The following ENPP2 variants were observed in gnomAD, a reference collection of about 807,000 sequenced individuals.
The protein encoded by ENPP2 is autotaxin.
A neutral mutation model predicts 120.2 loss-of-function variants in ENPP2; 51 were observed. The observed-to-expected ratio is 0.42, with a 90% CI of 0.34 to 0.54. ENPP2 has a LOEUF of 0.54. ENPP2 is among the 20% of genes least tolerant of loss of function. The pLI, the probability that ENPP2 is intolerant of heterozygous loss-of-function variation, is 0.04. For synonymous variants in ENPP2, 365 were observed against 366.4 expected (o/e 1.00, Z 0.04); for missense variants, 920 against 1,066.5 (o/e 0.86, Z 1.91).
At chr8:119,574,118 A>C (rs1289956977) in intron 19 of ENPP2, among the ~76,000 whole-genome samples, 3 of 152,154 alleles carry the variant, frequency 2.0e-5, no homozygotes, top group Admixed American at 1.3e-4. Flanking sequence ...AAGGTCCAGA[A>C]TCAAAATTTA....
intron 8 of ENPP2, among the ~76,000 whole-genome samples, chr8:119,611,938 A>T (rs1364213841): frequency 6.6e-6 from 1 of 152,226 alleles, no homozygotes; most frequent in East Asian, 1.9e-4. Context: ...TAGAGGTATG[A>T]GAATCACTTG....
rs755702717 is a variant in ENPP2, at chr8:119,580,087, T to A, written c.1780+29A>T. 1.4e-5 allele frequency: 22 copies of A among 1,564,398 alleles called. 2 individuals carry two copies. In the South Asian group the frequency reaches 2.5e-4, roughly 17 times the overall value. On this transcript the variant is annotated intron_variant, in intron 19 of 24. Coordinates refer to ENST00000075322, the MANE Select transcript of ENPP2 (RefSeq NM_001040092.3). ...CGATTTTCGAAAACGAGAAAAACCTTATCTGATTATTTTGCAACCACCCCT... is the reference window on the plus strand; with the variant it reads ...CGATTTTCGAAAACGAGAAAAACCTAATCTGATTATTTTGCAACCACCCCT...
chr8:119,627,044 AATT>A (rs1384058235), intron 2 of ENPP2, among the ~76,000 whole-genome samples: 1 of 152,198 alleles, frequency 6.6e-6, no homozygotes, highest in Non-Finnish European at 1.5e-5. Flanking sequence ...TACTATTTAT[AATT>A]ATTATTACTG....
intron 3 of ENPP2, among the ~76,000 whole-genome samples, chr8:119,621,885 C>T (rs531025349): frequency 6.6e-6 from 1 of 152,198 alleles, no homozygotes; most frequent in South Asian, 2.1e-4. Flanking sequence ...TATAGCTTGG[C>T]TCTTTTAATT....
chr8:119,590,826 T>C (rs1334613408), intron 12 of ENPP2, among the ~76,000 whole-genome samples, 196 bp from the exon 13 acceptor site: 3 of 152,104 alleles, frequency 2.0e-5, no homozygotes, highest in African/African-American at 4.8e-5. Flanking sequence ...TCTAGACTTT[T>C]ACTTAGCCAT....
At chr8:119,618,529 A>G (rs1246964877) in intron 5 of ENPP2, 3 of 332,868 alleles carry the variant, frequency 9.0e-6, no homozygotes, top group Non-Finnish European at 1.7e-5. Flanking sequence ...CAGAAGCCAG[A>G]TGTCCCACTG....
intron 22 of ENPP2, among the ~76,000 whole-genome samples, chr8:119,567,353 G>A (rs1415041052): frequency 6.6e-6 from 1 of 152,120 alleles, no homozygotes; most frequent in African/African-American, 2.4e-5. Flanking sequence ...TTTCGACATT[G>A]GATAATTAAG....
chr8:119,605,195 C>A (rs1197714690), intron 9 of ENPP2, among the ~76,000 whole-genome samples: 5 of 152,056 alleles, frequency 3.3e-5, no homozygotes, highest in Admixed American at 3.3e-4. Context: ...CCTCAGTCTC[C>A]CAAGTAGCTG....
intron 16 of ENPP2, 73 bp from the exon 17 acceptor site, chr8:119,583,877 T>C (rs1437949396): frequency 2.9e-6 from 4 of 1,361,506 alleles, no homozygotes; most frequent in Non-Finnish European, 3.2e-6. Flanking sequence ...TTATGAATAC[T>C]GTACAACTTC....
rs563914171 is a variant in ENPP2, at chr8:119,629,102, T to C, written c.137-2382A>G. Among the ~76,000 whole-genome samples, 345 of 152,274 alleles carry C rather than the reference T, an allele frequency of 2.3e-3. 2 individuals carry two copies. Among genetic ancestry groups the C allele is most frequent in the African/African-American group, 6.2e-3 (259 of 41,560 alleles). ...TACAAAATATATACTGTATAATATA[T>C]GTCTGTGTGGGTATGTATACATATG... is the stretch of plus-strand genomic sequence containing the variant. On this transcript the variant is annotated intron_variant, in intron 2 of 24. Transcript: ENST00000075322.
At chr8:119,662,411 C>A (rs542728447) in intron 1 of ENPP2, among the ~76,000 whole-genome samples, 2 of 151,754 alleles carry the variant, frequency 1.3e-5, no homozygotes, top group South Asian at 4.2e-4. Flanking sequence ...AAGTGTGAAC[C>A]CAAACCAGTC....
chr8:119,569,816 C>G (rs533478563), intron 20 of ENPP2, among the ~76,000 whole-genome samples: 1 of 149,510 alleles, frequency 6.7e-6, no homozygotes, highest in East Asian at 2.0e-4. Flanking sequence ...CAGTACAAAT[C>G]AAAATAAACT....
intron 18 of ENPP2, chr8:119,580,450 T>C (rs1309193236): frequency 7.0e-6 from 3 of 430,412 alleles, no homozygotes; most frequent in Admixed American, 4.0e-5. Context: ...TGGGTACTGA[T>C]GATGACTTGG....
At chr8:119,592,526 A>T (rs999968009) in intron 12 of ENPP2, among the ~76,000 whole-genome samples, 1 of 151,176 alleles carries the variant, frequency 6.6e-6, no homozygotes, top group Non-Finnish European at 1.5e-5. Context: ...TAGTTGTCCC[A>T]AACCAAATGG....
chr8:119,643,796 A>G (rs776216345), upstream of ENPP2, among the ~76,000 whole-genome samples: 5 of 152,228 alleles, frequency 3.3e-5, no homozygotes, highest in African/African-American at 4.8e-5. Context: ...TTGAGCAAAT[A>G]TCATTCAGAT....
At chr8:119,659,776 T>A (rs1210425802) in intron 1 of ENPP2, among the ~76,000 whole-genome samples, 1 of 152,172 alleles carries the variant, frequency 6.6e-6, no homozygotes, top group African/African-American at 2.4e-5. Flanking sequence ...TGCCTAAGGA[T>A]CAAATTATAG....
intron 1 of ENPP2, among the ~76,000 whole-genome samples, chr8:119,667,423 C>T (rs1180217976): frequency 6.6e-6 from 1 of 152,172 alleles, no homozygotes; most frequent in African/African-American, 2.4e-5. Flanking sequence ...ATTCATTTGG[C>T]TCTTTCATTC....
At chr8:119,559,662 T>C (rs116138424) in intron 24 of ENPP2, among the ~76,000 whole-genome samples, 4,832 of 152,194 alleles carry the variant, frequency 0.032, 258 homozygotes, top group African/African-American at 0.11. Context: ...ACTAAGACAA[T>C]TCAGATAAAA....
intron 17 of ENPP2, among the ~76,000 whole-genome samples, chr8:119,583,033 A>G (rs181284081): frequency 5.9e-5 from 9 of 152,220 alleles, no homozygotes; most frequent in Non-Finnish European, 1.3e-4. Context: ...CCCTCTAATG[A>G]CTCCACAGAA....
Sources: gnomAD v4.1 joint callset for allele counts (sites outside exome capture counted in the v4.1 genomes callset) on GRCh38, gnomAD v4.1.1 for gene constraint, MANE v1.5 for transcripts, NCBI Gene and HGNC (gene_info 2026-07-23, HGNC 2026-07-21) for gene names.